The following PLEKHA7 variants were observed in gnomAD, a reference collection of about 807,000 sequenced individuals.
The protein encoded by PLEKHA7 is pleckstrin homology domain containing A7.
A neutral mutation model predicts 170.0 loss-of-function variants in PLEKHA7; 104 were observed. That is an observed-to-expected ratio of 0.61 (90% CI 0.52 to 0.72). The LOEUF (loss-of-function observed/expected upper bound fraction) is 0.72, where lower values mean the gene tolerates loss of function less well. Among genes scored for constraint, PLEKHA7 ranks in the 30% least tolerant of loss-of-function variants. The pLI, the probability that PLEKHA7 is intolerant of heterozygous loss-of-function variation, is 0.00. For missense variants in PLEKHA7, 1,615 were observed against 1,671.7 expected (o/e 0.97, Z 0.59); for synonymous variants, 648 against 660.8 (o/e 0.98, Z 0.30).
At chr11:17,005,268 C>T (rs555556553) in intron 3 of PLEKHA7, among the ~76,000 whole-genome samples, 25 of 152,316 alleles carry the variant, frequency 1.6e-4, no homozygotes, top group African/African-American at 5.1e-4. Flanking sequence ...CGGTGGCCCA[C>T]GCCTGTAATC....
intron 13 of PLEKHA7, among the ~76,000 whole-genome samples, chr11:16,811,266 C>A (rs975581598): frequency 1.3e-5 from 2 of 152,206 alleles, no homozygotes; most frequent in Admixed American, 1.3e-4. Flanking sequence ...TTCCCTCTGG[C>A]CCCGTGCACT....
At chr11:16,870,462 C>T (rs1360211771) in intron 4 of PLEKHA7, among the ~76,000 whole-genome samples, 3 of 151,802 alleles carry the variant, frequency 2.0e-5, no homozygotes, top group African/African-American at 7.3e-5. Flanking sequence ...AACCCTATCT[C>T]TACAAAAAAT....
intron 3 of PLEKHA7, among the ~76,000 whole-genome samples, chr11:16,965,749 C>A (rs1862333558): frequency 6.6e-6 from 1 of 152,176 alleles, no homozygotes; most frequent in African/African-American, 2.4e-5. Context: ...TTTCTTTTGG[C>A]CTCGATCTTC....
intron 3 of PLEKHA7, among the ~76,000 whole-genome samples, chr11:16,883,898 C>A (rs1431371221): frequency 6.6e-6 from 1 of 152,190 alleles, no homozygotes; most frequent in African/African-American, 2.4e-5. Flanking sequence ...GCCTCCAATT[C>A]AGTGTCAATC....
chr11:16,917,385 TA>T (rs1590609966), intron 3 of PLEKHA7, among the ~76,000 whole-genome samples: 2 of 152,024 alleles, frequency 1.3e-5, no homozygotes, highest in East Asian at 3.9e-4. Context: ...TAGGTACTTA[TA>T]ACAACACAAA....
chr11:16,785,205 T>C (rs1564901757), intron 24 of PLEKHA7, among the ~76,000 whole-genome samples: 1 of 152,216 alleles, frequency 6.6e-6, no homozygotes, highest in Non-Finnish European at 1.5e-5. Flanking sequence ...CACCACCTCT[T>C]AAGACAGCAG....
chr11:16,995,076 T>C (rs1864259897), intron 3 of PLEKHA7, among the ~76,000 whole-genome samples: 2 of 152,236 alleles, frequency 1.3e-5, no homozygotes, highest in Non-Finnish European at 2.9e-5. Flanking sequence ...TTCAAGACTA[T>C]TCTGAGTACT....
intron 4 of PLEKHA7, among the ~76,000 whole-genome samples, chr11:16,868,423 G>A (rs546301017): frequency 6.6e-6 from 1 of 152,258 alleles, no homozygotes; most frequent in African/African-American, 2.4e-5. Flanking sequence ...AGCATCTCAG[G>A]TGAGTCCTAC....
At chr11:16,918,712 C>T (rs926058168) in intron 3 of PLEKHA7, among the ~76,000 whole-genome samples, 4 of 152,194 alleles carry the variant, frequency 2.6e-5, no homozygotes, top group Admixed American at 2.0e-4. Flanking sequence ...ATTAACCACA[C>T]ATTGCTCACA....
chr11:16,838,693 C>CTT (rs869209891), intron 9 of PLEKHA7, among the ~76,000 whole-genome samples: 32,302 of 107,804 alleles, frequency 0.3, 5,484 homozygotes, highest in East Asian at 0.51. Flanking sequence ...ACACAGTTTT[C>CTT]TTTTTTTTTT....
chr11:16,943,649 T>C (rs910896304), intron 3 of PLEKHA7, among the ~76,000 whole-genome samples: 15 of 152,226 alleles, frequency 9.9e-5, no homozygotes, highest in African/African-American at 3.6e-4. Context: ...GGAGGGATTA[T>C]TACAATAAAT....
At chr11:16,779,125 G>GCAGCAGAA (rs1848833364) in intron 26 of PLEKHA7, 105 bp from the exon 27 acceptor site, 2 of 691,044 alleles carry the variant, frequency 2.9e-6, no homozygotes, top group Non-Finnish European at 5.3e-6. Flanking sequence ...GAGCAGCAGA[G>GCAGCAGAA]CAGGGGGCTC....
intron 3 of PLEKHA7, among the ~76,000 whole-genome samples, chr11:16,952,809 A>G (rs1011338824): frequency 6.6e-6 from 1 of 152,246 alleles, no homozygotes; most frequent in Non-Finnish European, 1.5e-5. Context: ...AGATTTATCA[A>G]CATTAGGAAT....
At chr11:16,827,690 A>G (rs1471353507) in intron 9 of PLEKHA7, among the ~76,000 whole-genome samples, 1 of 152,212 alleles carries the variant, frequency 6.6e-6, no homozygotes, top group African/African-American at 2.4e-5. Context: ...CACCAGGGAT[A>G]CAATAGTGGC....
intron 3 of PLEKHA7, among the ~76,000 whole-genome samples, chr11:16,888,996 G>A (rs1394201439): frequency 7.9e-5 from 9 of 113,406 alleles, no homozygotes; most frequent in Admixed American, 1.9e-4. Context: ...CTGAGCTGAA[G>A]CTCAGCTATT....
chr11:16,990,273 C>CAAAAAAAAAA (rs550741646), intron 3 of PLEKHA7, among the ~76,000 whole-genome samples: 3 of 62,700 alleles, frequency 4.8e-5, no homozygotes, highest in African/African-American at 1.9e-4. Flanking sequence ...GACCCTGTCT[C>CAAAAAAAAAA]AAAAAAAAAA....
chr11:16,967,859 G>A lies in PLEKHA7; in HGVS notation c.221+46130C>T, dbSNP rs142669454. On this transcript the variant is annotated intron_variant, in intron 3 of 26. Coordinates refer to ENST00000531066, the MANE Select transcript of PLEKHA7 (RefSeq NM_001329630.2). ...TGCTGCCTCACCCCACCCCTCACCA[G>A]CCAACTTCAGACCTTTCTTTAGACT... Among the ~76,000 whole-genome samples, 1,324 of 152,152 alleles carry A rather than the reference G, an allele frequency of 8.7e-3. 25 individuals carry two copies. Among genetic ancestry groups the A allele is most frequent in the African/African-American group, 0.03 (1,244 of 41,500 alleles).
chr11:16,866,005 T>C (rs1216497822), intron 4 of PLEKHA7, among the ~76,000 whole-genome samples: 1 of 151,392 alleles, frequency 6.6e-6, no homozygotes, highest in African/African-American at 2.4e-5. Flanking sequence ...ACCAGGTTAA[T>C]TTTTTGTATT....
At chr11:16,980,230 C>A (rs1273232269) in intron 3 of PLEKHA7, among the ~76,000 whole-genome samples, 1 of 152,208 alleles carries the variant, frequency 6.6e-6, no homozygotes, top group Non-Finnish European at 1.5e-5. Flanking sequence ...TCTGCTGAGC[C>A]CTCGCAGCAT....
Sources: gnomAD v4.1 joint callset for allele counts (sites outside exome capture counted in the v4.1 genomes callset) on GRCh38, gnomAD v4.1.1 for gene constraint, MANE v1.5 for transcripts, NCBI Gene and HGNC (gene_info 2026-07-23, HGNC 2026-07-21) for gene names.